Variants in BAZ2B observed in about 807,000 individuals in gnomAD.
BAZ2B encodes bromodomain adjacent to zinc finger domain protein 2B.
In BAZ2B, 91 loss-of-function variants were observed where a neutral mutation model predicts 246.0. The observed-to-expected ratio is 0.37, with a 90% confidence interval of 0.31 to 0.44. The LOEUF (loss-of-function observed/expected upper bound fraction) is 0.44. Among genes scored for constraint, BAZ2B ranks in the 20% least tolerant of loss-of-function variants. BAZ2B has a pLI of 1.00. For synonymous variants in BAZ2B, 855 were observed against 860.0 expected (o/e 0.99, Z 0.10); for missense variants, 2,332 against 2,533.7 (o/e 0.92, Z 1.71).
chr2:159,600,736 T>C (rs1691933072), intron 1 of BAZ2B, among the ~76,000 whole-genome samples: 1 of 152,052 alleles, frequency 6.6e-6, no homozygotes, highest in Non-Finnish European at 1.5e-5. Flanking sequence ...ACCCATAACT[T>C]TCATAGTTGC....
chr2:159,576,572 G>C (rs1685353117), intron 1 of BAZ2B, among the ~76,000 whole-genome samples: 1 of 151,206 alleles, frequency 6.6e-6, no homozygotes, highest in African/African-American at 2.4e-5. Flanking sequence ...TAGTTTTAGA[G>C]TGAGTGTAAA....
intron 13 of BAZ2B, among the ~76,000 whole-genome samples, chr2:159,423,340 G>A: frequency 1.2e-5 from 1 of 86,540 alleles, no homozygotes; most frequent in Non-Finnish European, 3.0e-5. Flanking sequence ...CAAAAGAATG[G>A]CTATTATTAA....
At chr2:159,580,769 T>C (rs1306681441) in intron 1 of BAZ2B, among the ~76,000 whole-genome samples, 2 of 152,124 alleles carry the variant, frequency 1.3e-5, no homozygotes, top group Non-Finnish European at 2.9e-5. Context: ...ACTACACATC[T>C]ACAACCATCT....
chr2:159,476,887 A>G (rs1433367627), intron 3 of BAZ2B, among the ~76,000 whole-genome samples: 1 of 152,274 alleles, frequency 6.6e-6, no homozygotes, highest in Admixed American at 6.5e-5. Flanking sequence ...AGCACAGTAT[A>G]TCATCAGAGG....
At chr2:159,589,248 T>C (rs1217586602) in intron 1 of BAZ2B, among the ~76,000 whole-genome samples, 1 of 152,152 alleles carries the variant, frequency 6.6e-6, no homozygotes, top group Non-Finnish European at 1.5e-5. Flanking sequence ...CTCACAGTGG[T>C]ATCCTTACTC....
In BAZ2B at chr2:159,453,656, T is replaced by C. The variant is rs748023631; in HGVS notation, c.291A>G (p.Thr97=). ...GGGGATGTGCGGCTAAGGCTGTGGG[T>C]GTACCAAGTGTCCCCAAACCACCAA... ...SEFGGLGTLG[T]PTALAAHPQL... Residue 97 remains threonine, a synonymous_variant, in exon 4 of 37, where the codon ACA becomes ACG. Coordinates refer to ENST00000392783, the MANE Select transcript of BAZ2B (RefSeq NM_013450.4). The C allele has an allele frequency of 7.4e-6, 12 of 1,613,250 alleles. No homozygotes were observed. The South Asian group carries it at 1.3e-4, about 18-fold the overall frequency.
intron 31 of BAZ2B, 142 bp from the exon 32 acceptor site, chr2:159,337,914 C>A: frequency 8.1e-6 from 6 of 743,350 alleles, no homozygotes; most frequent in Admixed American, 3.5e-5. Context: ...TTTCCTAAAA[C>A]TAGGTGGAAA....
At chr2:159,638,263 C>T in the BAZ2B span, among the ~76,000 whole-genome samples, 1 of 152,192 alleles carries the variant, frequency 6.6e-6, no homozygotes, top group Non-Finnish European at 1.5e-5. Flanking sequence ...AGAAAGACTT[C>T]TCAAGAACGA....
At chr2:159,509,992 T>C (rs1359718487) in intron 2 of BAZ2B, among the ~76,000 whole-genome samples, 1 of 152,050 alleles carries the variant, frequency 6.6e-6, no homozygotes, top group Non-Finnish European at 1.5e-5. Context: ...GAAGTTGTGC[T>C]ACATGCTATA....
At chr2:159,696,066 T>C in the BAZ2B span, among the ~76,000 whole-genome samples, 1 of 152,180 alleles carries the variant, frequency 6.6e-6, no homozygotes, top group South Asian at 2.1e-4. Context: ...GGTCTATATA[T>C]CTATCTTTAT....
At chr2:159,484,271 T>C (rs899949600) in intron 2 of BAZ2B, among the ~76,000 whole-genome samples, 2 of 152,216 alleles carry the variant, frequency 1.3e-5, no homozygotes, top group Non-Finnish European at 1.5e-5. Flanking sequence ...AGTAATTCTA[T>C]ATAACTATAA....
At chr2:159,342,297 C>T (rs2066868967) in intron 31 of BAZ2B, among the ~76,000 whole-genome samples, 1 of 152,186 alleles carries the variant, frequency 6.6e-6, no homozygotes, top group Non-Finnish European at 1.5e-5. Context: ...CAATGAAATT[C>T]TTCTTTGAAC....
intron 13 of BAZ2B, among the ~76,000 whole-genome samples, chr2:159,422,729 A>G (rs981561269): frequency 6.6e-6 from 1 of 152,180 alleles, no homozygotes; most frequent in Non-Finnish European, 1.5e-5. Flanking sequence ...AGTGAGACCT[A>G]ATTAAACTAG....
chr2:159,380,513 G>T (rs766923269), intron 25 of BAZ2B, among the ~76,000 whole-genome samples: 81 of 152,282 alleles, frequency 5.3e-4, no homozygotes, highest in Non-Finnish European at 9.3e-4. Flanking sequence ...GTGTAGAAAA[G>T]ACTTAACATA....
intron 1 of BAZ2B, among the ~76,000 whole-genome samples, chr2:159,571,135 C>A (rs10202187): frequency 3.9e-5 from 6 of 152,106 alleles, no homozygotes; most frequent in African/African-American, 1.2e-4. Flanking sequence ...ATTATAGGCA[C>A]GAGCCACCAC....
intron 6 of BAZ2B, among the ~76,000 whole-genome samples, chr2:159,443,721 C>T (rs998782992): frequency 2.0e-5 from 3 of 152,120 alleles, no homozygotes; most frequent in African/African-American, 7.2e-5. Flanking sequence ...TTGCCTTAGA[C>T]ACTACTATGG....
At chr2:159,346,977 ATGGTC>A (rs1171183776) in intron 31 of BAZ2B, among the ~76,000 whole-genome samples, 2 of 152,170 alleles carry the variant, frequency 1.3e-5, no homozygotes, top group Non-Finnish European at 2.9e-5. Flanking sequence ...GTATATCATA[ATGGTC>A]TATAACATAT....
the BAZ2B span, among the ~76,000 whole-genome samples, chr2:159,668,402 G>T: frequency 1.3e-5 from 2 of 152,106 alleles, no homozygotes; most frequent in South Asian, 4.1e-4. Context: ...AATCCTTGGG[G>T]TAATATATTC....
intron 27 of BAZ2B, among the ~76,000 whole-genome samples, chr2:159,372,494 G>T (rs905347633): frequency 2.0e-5 from 3 of 152,214 alleles, no homozygotes; most frequent in African/African-American, 7.2e-5. Context: ...TAATGTAACA[G>T]AAATGGAGCC....
Sources: gnomAD v4.1 joint callset for allele counts (sites outside exome capture counted in the v4.1 genomes callset) on GRCh38, gnomAD v4.1.1 for gene constraint, MANE v1.5 for transcripts, NCBI Gene and HGNC (gene_info 2026-07-23, HGNC 2026-07-21) for gene names.